CAST: variants seen among roughly 807,000 people sequenced by gnomAD.
CAST encodes MIR583 host.
Under a neutral mutation model 119.6 loss-of-function variants are expected in CAST, and 76 were observed. The ratio of observed to expected loss-of-function variants is 0.64; its 90% CI spans 0.53 to 0.77. The LOEUF (loss-of-function observed/expected upper bound fraction) is 0.77. Ranked by LOEUF, CAST falls within the 30% of genes least tolerant of loss-of-function variation. The pLI is 0.00. For missense variants in CAST, 953 were observed against 946.5 expected (o/e 1.01, Z -0.09); for synonymous variants, 319 against 331.6 (o/e 0.96, Z 0.41).
chr5:96,214,968 C>G, the CAST span: 2 of 152,108 alleles, frequency 1.3e-5, no homozygotes, highest in Admixed American at 1.3e-4. Flanking sequence ...TAAAATATTC[C>G]TGCCAGGAAG....
chr5:96,031,665 T>C, the CAST span, among the ~76,000 whole-genome samples: 2 of 152,170 alleles, frequency 1.3e-5, no homozygotes, highest in African/African-American at 4.8e-5. Flanking sequence ...TCCTGCCTCT[T>C]GTGACTATGG....
the CAST span, among the ~76,000 whole-genome samples, chr5:96,277,644 A>G: frequency 6.6e-6 from 1 of 152,172 alleles, no homozygotes; most frequent in Non-Finnish European, 1.5e-5. Context: ...CAGAAGTAAA[A>G]TTCTAGATAA....
the CAST span, among the ~76,000 whole-genome samples, chr5:96,453,804 A>C: frequency 6.6e-6 from 1 of 152,260 alleles, no homozygotes; most frequent in South Asian, 2.1e-4. Flanking sequence ...AAATCTTAAA[A>C]GTAATTCTTC....
At chr5:96,310,859 CAA>C in the CAST span, among the ~76,000 whole-genome samples, 1 of 132,760 alleles carries the variant, frequency 7.5e-6, no homozygotes. Context: ...TATGTCTTCT[CAA>C]AAAAAAAAAA....
rs747718086 is a variant in CAST, at chr5:96,743,524, A to G, written c.1200+768A>G. ...GGTGCTGGCAGGCATTGCTGTCACA[A>G]TGCCCCATCTCTGCTGTCACTTCCT... On this transcript the variant is annotated intron_variant, in intron 16 of 31. Coordinates refer to ENST00000675179, the MANE Select transcript of CAST (RefSeq NM_001750.7). 1.1e-5 allele frequency: 16 copies of G among 1,469,398 alleles called. No homozygotes were observed. The African/African-American group carries it at 1.3e-4, about 12-fold the overall frequency. The allele number at this position is 1,469,398 out of a possible 1,614,324, so 91.0% of individuals were successfully genotyped here. A position where few individuals can be genotyped will look rare whatever the true frequency, so the allele number is the denominator to read the frequency against.
At chr5:96,471,356 C>G in the CAST span, among the ~76,000 whole-genome samples, 1 of 152,096 alleles carries the variant, frequency 6.6e-6, no homozygotes, top group African/African-American at 2.4e-5. Flanking sequence ...TACATTCTCT[C>G]TCATCCTTTT....
At chr5:96,497,616 G>A in the CAST span, among the ~76,000 whole-genome samples, 1 of 151,962 alleles carries the variant, frequency 6.6e-6, no homozygotes, top group Non-Finnish European at 1.5e-5. Context: ...TGCCAGTGAT[G>A]ATGAGCATTT....
intron 1 of CAST, among the ~76,000 whole-genome samples, chr5:96,638,904 C>G (rs1287331669): frequency 6.6e-6 from 1 of 152,178 alleles, no homozygotes; most frequent in Admixed American, 6.5e-5. Context: ...CTCCTTCTCT[C>G]TACCGCAGCA....
chr5:96,496,230 TATC>T, the CAST span, among the ~76,000 whole-genome samples: 2 of 152,226 alleles, frequency 1.3e-5, no homozygotes, highest in African/African-American at 4.8e-5. Context: ...GTTTTAATTT[TATC>T]ATATTTTGTT....
the CAST span, chr5:96,410,770 A>G: frequency 6.2e-7 from 1 of 1,610,520 alleles, no homozygotes; most frequent in Admixed American, 1.7e-5. Flanking sequence ...CAAAAGCAAC[A>G]TACGATTCTC....
the CAST span, among the ~76,000 whole-genome samples, chr5:96,047,115 C>T: frequency 6.6e-6 from 1 of 152,106 alleles, no homozygotes; most frequent in Non-Finnish European, 1.5e-5. Flanking sequence ...TTACTTTTAC[C>T]TGGGAATGTC....
chr5:96,748,514 A>T lies in CAST; in HGVS notation c.1333-4A>T. ...TGTAATATACAGCACTTCTTATATT[A>T]CAGCCTCGGAGTGAATCAGAACTCA... is the stretch of plus-strand genomic sequence containing the variant. On this transcript the variant is annotated splice_polypyrimidine_tract_variant and splice_region_variant and intron_variant, in intron 18 of 31. Coordinates refer to ENST00000675179, the MANE Select transcript of CAST (RefSeq NM_001750.7). 6.8e-7 allele frequency: 1 copy of T among 1,477,364 alleles called. No homozygotes were observed. Among genetic ancestry groups the T allele is most frequent in the Non-Finnish European group, 9.4e-7 (1 of 1,062,666 alleles). 91.5% of individuals were successfully genotyped at this position (1,477,364 alleles called of 1,614,324 possible).
the CAST span, among the ~76,000 whole-genome samples, chr5:96,303,961 A>G: frequency 6.6e-6 from 1 of 152,194 alleles, no homozygotes; most frequent in African/African-American, 2.4e-5. Flanking sequence ...TTGGGTATAT[A>G]CCCAGTAATA....
At chr5:96,155,918 T>G in the CAST span, among the ~76,000 whole-genome samples, 93 of 152,126 alleles carry the variant, frequency 6.1e-4, no homozygotes, top group East Asian at 0.017. Flanking sequence ...ACCCTTTAGG[T>G]AGAGAGAGTC....
rs920018895 is a variant in CAST at position 96,606,439 on chromosome 5, C to G, written c.61-69100C>G. On this transcript the variant is annotated intron_variant, in intron 1 of 11. Transcript: ENST00000505143. Reference sequence around the variant, plus strand: ...GGAATAAAATGCATAGTGTACTCAGCCCAGGGCTGGATGCAGAAAGAGCCA... The same window carrying G: ...GGAATAAAATGCATAGTGTACTCAGGCCAGGGCTGGATGCAGAAAGAGCCA... 3.3e-5 allele frequency among the ~76,000 whole-genome samples: 5 copies of G among 152,306 alleles called. No individual in the cohort carries two copies. The South Asian group carries it at 8.3e-4, about 25-fold the overall frequency.
chr5:96,026,972 A>G, the CAST span, among the ~76,000 whole-genome samples: 1 of 152,130 alleles, frequency 6.6e-6, no homozygotes, highest in East Asian at 1.9e-4. Flanking sequence ...AACTCAGGAG[A>G]CTGAGAAGCA....
the CAST span, among the ~76,000 whole-genome samples, chr5:96,479,794 C>T: frequency 6.6e-6 from 1 of 152,040 alleles, no homozygotes; most frequent in Non-Finnish European, 1.5e-5. Flanking sequence ...ATGGGCCTTA[C>T]AGTCTATGGA....
At chr5:96,371,722 A>G in the CAST span, among the ~76,000 whole-genome samples, 1 of 152,210 alleles carries the variant, frequency 6.6e-6, no homozygotes, top group African/African-American at 2.4e-5. Flanking sequence ...TGAAAGTATG[A>G]AAAAGGAATT....
the CAST span, among the ~76,000 whole-genome samples, chr5:96,407,756 T>C: frequency 6.6e-6 from 1 of 152,254 alleles, no homozygotes; most frequent in African/African-American, 2.4e-5. Context: ...GATGTGGTTA[T>C]ATCAGCTCCA....
Sources: allele counts gnomAD v4.1 joint callset (sites outside exome capture counted in the v4.1 genomes callset), GRCh38; gene constraint gnomAD v4.1.1; transcripts MANE v1.5; gene names NCBI Gene and HGNC (gene_info 2026-07-23, HGNC 2026-07-21).